The following GRIA1 variants were observed in gnomAD, a reference collection of about 807,000 sequenced individuals.
The protein encoded by GRIA1 is glutamate receptor 1.
GRIA1 carries 31 observed loss-of-function variants against 99.2 expected under a neutral mutation model. The ratio of observed to expected loss-of-function variants is 0.31; its 90% CI spans 0.23 to 0.42. GRIA1 has a LOEUF of 0.42. GRIA1 is among the 10% of genes least tolerant of loss of function. The pLI, the probability that GRIA1 is intolerant of heterozygous loss-of-function variation, is 1.00. For missense variants in GRIA1, 782 were observed against 1,157.5 expected (o/e 0.68, Z 4.71); for synonymous variants, 438 against 432.4 (o/e 1.01, Z -0.16).
intron 2 of GRIA1, among the ~76,000 whole-genome samples, chr5:153,633,173 G>C (rs963012593): frequency 7.9e-5 from 12 of 152,132 alleles, no homozygotes; most frequent in Admixed American, 2.0e-4. Context: ...AGGAAAACTA[G>C]TACATTTGCT....
intron 2 of GRIA1, among the ~76,000 whole-genome samples, chr5:153,630,302 G>T (rs942623045): frequency 1.3e-5 from 2 of 151,876 alleles, no homozygotes; most frequent in African/African-American, 4.8e-5. Flanking sequence ...CTGTGGCTGT[G>T]CCAGGTTCTC....
Position 153,798,313 on chromosome 5 carries a change from C to A in GRIA1, c.2385+3578C>A, listed in dbSNP as rs1198971916. ...ACTGCTCAGGGAAACGGTCCTTAAGCCAAAAATACAAGTTTTGAGAAAGCA... is the reference window on the plus strand; with the variant it reads ...ACTGCTCAGGGAAACGGTCCTTAAGACAAAAATACAAGTTTTGAGAAAGCA... On this transcript the variant is annotated intron_variant, in intron 14 of 15. Transcript: ENST00000285900. 3.9e-5 allele frequency among the ~76,000 whole-genome samples: 6 copies of A among 152,126 alleles called. No homozygotes were observed. The East Asian group carries it at 1.2e-3, about 29-fold the overall frequency.
chr5:153,556,871 CAG>C (rs1200837528), intron 2 of GRIA1, among the ~76,000 whole-genome samples: 5 of 152,178 alleles, frequency 3.3e-5, no homozygotes. Context: ...TTGAATATCA[CAG>C]AGTGTTACTT....
chr5:153,549,461 C>T (rs533905472), intron 2 of GRIA1, among the ~76,000 whole-genome samples: 87 of 152,076 alleles, frequency 5.7e-4, no homozygotes, highest in African/African-American at 2.0e-3. Context: ...CAGTACCCAC[C>T]CAGAAACAGC....
rs189165482 is a variant in GRIA1, at chr5:153,627,628, G to T, written c.221-19300G>T. 3.3e-5 allele frequency among the ~76,000 whole-genome samples: 5 copies of T among 152,308 alleles called. No homozygotes were observed. The East Asian group carries it at 9.6e-4, about 29-fold the overall frequency. ...GTGAATTCTAATGAGGTAAAAGTGG[G>T]CAGGTCTCTACTGGAGGAGAGAGGA... On this transcript the variant is annotated intron_variant, in intron 2 of 15. Transcript: ENST00000285900.
At chr5:153,721,089 A>C (rs1397006146) in intron 11 of GRIA1, among the ~76,000 whole-genome samples, 1 of 152,188 alleles carries the variant, frequency 6.6e-6, no homozygotes, top group Non-Finnish European at 1.5e-5. Flanking sequence ...CAAATATATC[A>C]GCCTTCCCTA....
intron 2 of GRIA1, among the ~76,000 whole-genome samples, chr5:153,567,548 A>G (rs189283820): frequency 6.7e-4 from 102 of 152,306 alleles, no homozygotes; most frequent in African/African-American, 2.3e-3. Flanking sequence ...ACTAGGTACC[A>G]TTAGTACCTC....
At chr5:153,753,163 C>T (rs7711758) in intron 11 of GRIA1, among the ~76,000 whole-genome samples, 3,165 of 152,274 alleles carry the variant, frequency 0.021, 105 homozygotes, top group African/African-American at 0.07. Flanking sequence ...GAGAATCTAG[C>T]CACCCTAAGA....
At chr5:153,540,235 G>A (rs1758948753) in intron 2 of GRIA1, among the ~76,000 whole-genome samples, 1 of 152,204 alleles carries the variant, frequency 6.6e-6, no homozygotes, top group Non-Finnish European at 1.5e-5. Flanking sequence ...AAGGCTTAGC[G>A]AGATCTCTTG....
intron 15 of GRIA1, among the ~76,000 whole-genome samples, chr5:153,807,473 A>C (rs1425840939): frequency 6.6e-6 from 1 of 152,320 alleles, no homozygotes; most frequent in East Asian, 1.9e-4. Flanking sequence ...TGAGAAACTG[A>C]TATTTAACAG....
At position 153,585,042 on chromosome 5, in the gene GRIA1, G is replaced by A. The variant is rs191989869; in HGVS notation, c.221-61886G>A. Among the ~76,000 whole-genome samples the A allele has an allele frequency of 3.1e-3, 473 of 152,174 alleles. 5 individuals carry two copies. Among genetic ancestry groups the A allele is most frequent in the African/African-American group, 0.011 (452 of 41,514 alleles). On this transcript the variant is annotated intron_variant, in intron 2 of 15. Transcript: ENST00000285900. ...GAATACCTCCTATTCAACAGTGCAC[G>A]AGCTGCCAGGAACAATGAAGTAAGT...
intron 6 of GRIA1, among the ~76,000 whole-genome samples, chr5:153,676,492 C>T (rs1756596811): frequency 6.6e-6 from 1 of 152,148 alleles, no homozygotes; most frequent in East Asian, 1.9e-4. Flanking sequence ...AAATTAAGAG[C>T]TCACCCTTCT....
At chr5:153,774,352 C>G (rs1194202253) in intron 13 of GRIA1, among the ~76,000 whole-genome samples, 1 of 152,088 alleles carries the variant, frequency 6.6e-6, no homozygotes. Context: ...TAAAGATAAC[C>G]TGGCAGAAGA....
At chr5:153,533,499 A>G (rs1370327662) in intron 2 of GRIA1, among the ~76,000 whole-genome samples, 2 of 152,114 alleles carry the variant, frequency 1.3e-5, no homozygotes, top group African/African-American at 4.8e-5. Flanking sequence ...AGATACATTC[A>G]TTTTTATGCC....
At chr5:153,618,020 T>C (rs1446834935) in intron 2 of GRIA1, among the ~76,000 whole-genome samples, 1 of 152,228 alleles carries the variant, frequency 6.6e-6, no homozygotes, top group Non-Finnish European at 1.5e-5. Flanking sequence ...GTGGATGTAG[T>C]AACAACTGGG....
chr5:153,686,046 G>A (rs1017852033), intron 7 of GRIA1, among the ~76,000 whole-genome samples, 179 bp from the exon 8 acceptor site: 2 of 152,204 alleles, frequency 1.3e-5, no homozygotes, highest in Admixed American at 6.5e-5. Flanking sequence ...TTAGGGAAAA[G>A]AGATCTGTAA....
At chr5:153,537,518 C>T (rs992525060) in intron 2 of GRIA1, among the ~76,000 whole-genome samples, 10 of 152,166 alleles carry the variant, frequency 6.6e-5, no homozygotes, top group African/African-American at 1.7e-4. Context: ...TCCCTTTCTG[C>T]GCTGCTGCCT....
At chr5:153,753,463 T>C (rs2149592150) in intron 11 of GRIA1, among the ~76,000 whole-genome samples, 1 of 152,268 alleles carries the variant, frequency 6.6e-6, no homozygotes, top group East Asian at 1.9e-4. Context: ...GGAGGTAGTG[T>C]CCTGCAGTAG....
intron 2 of GRIA1, among the ~76,000 whole-genome samples, chr5:153,596,138 T>C (rs1157339039): frequency 6.6e-6 from 1 of 152,180 alleles, no homozygotes; most frequent in East Asian, 1.9e-4. Context: ...GCATCCATCA[T>C]GGCTGGCATC....
Sources: gnomAD v4.1 joint callset for allele counts (sites outside exome capture counted in the v4.1 genomes callset) on GRCh38, gnomAD v4.1.1 for gene constraint, MANE v1.5 for transcripts, NCBI Gene and HGNC (gene_info 2026-07-23, HGNC 2026-07-21) for gene names.